The following ZNF570 variants were observed in gnomAD, a reference collection of about 807,000 sequenced individuals.
ZNF570 encodes the protein zinc finger protein 570.
In ZNF570, 8 loss-of-function variants were observed where a neutral mutation model predicts 14.2. The observed-to-expected ratio is 0.56, with a 90% CI of 0.33 to 1.02. The LOEUF (loss-of-function observed/expected upper bound fraction) is 1.02. Among genes scored for constraint, ZNF570 ranks in the 50% least tolerant of loss-of-function variants. ZNF570 has a pLI of 0.03. For synonymous variants in ZNF570, 202 were observed against 207.6 expected, an observed-to-expected ratio of 0.97 and a Z score of 0.23; for missense variants, 559 against 624.9, an observed-to-expected ratio of 0.89 and a Z score of 1.12.
Position 37,484,309 on chromosome 19 carries a change from G to C in ZNF570, c.687G>C (p.Gln229His). 3.1e-6 allele frequency: 5 copies of C among 1,613,774 alleles called. No individual in the cohort carries two copies. The highest frequency in any genetic ancestry group is 4.2e-6 in the Non-Finnish European group (5 of 1,179,962). Residue 229 changes from glutamine (Q) to histidine (H), a missense_variant, in exon 5 of 5, where the codon CAG becomes CAC. Transcript: ENST00000330173. ...KCNDCEKVFSQSSSLTLHQRI... is the reference protein window; with the variant it reads ...KCNDCEKVFSHSSSLTLHQRI... ...ATGACTGTGAAAAAGTCTTCAGCCA[G>C]AGTTCATCCCTTACTCTTCATCAAA...
At chr19:37,468,873 C>G (rs555213259), upstream of ZNF570, 174 of 195,152 alleles carry the variant, frequency 8.9e-4, 1 homozygote, top group African/African-American at 4.0e-3. Flanking sequence ...TGCATCCCCC[C>G]CACCCCGCTC....
At chr19:37,468,130 G>A (rs2041882686), upstream of ZNF570, 12 of 612,118 alleles carry the variant, frequency 2.0e-5, no homozygotes, top group Admixed American at 2.6e-4. Flanking sequence ...TGTTGCCCAG[G>A]CTGGAGAGTG....
At position 37,485,057 on chromosome 19, in the gene ZNF570, T is replaced by C. The variant is rs754654742; in HGVS notation, c.1435T>C (p.Phe479Leu). The C allele has an allele frequency of 1.9e-6, 3 of 1,614,000 alleles. No homozygotes were observed. Among genetic ancestry groups the C allele is most frequent in the Non-Finnish European group, 2.5e-6 (3 of 1,179,978 alleles). ...TGAATGTACTGTTTGTGGAAAGGCT[T>C]TTAGTTACTGTGGATCCCTTGCCCA... ...PYECTVCGKAFSYCGSLAQHQ... is the reference protein window; with the variant it reads ...PYECTVCGKALSYCGSLAQHQ... Residue 479 changes from phenylalanine to leucine, a missense_variant, in exon 5 of 5, where the codon TTT becomes CTT. Phe to Leu is a conservative substitution (Grantham distance 22). Coordinates refer to ENST00000330173, the MANE Select transcript of ZNF570 (RefSeq NM_144694.5).
Position 37,469,450 on chromosome 19 carries a change from A to G in ZNF570, c.-159A>G, listed in dbSNP as rs1404437276. 1.3e-6 allele frequency: 2 copies of G among 1,535,872 alleles called. No individual in the cohort carries two copies. Among genetic ancestry groups the G allele is most frequent in the African/African-American group, 2.7e-5 (2 of 73,168 alleles). ...TCCCCGAGCCTTCGGGGCAGGAAGG[A>G]GATCTTCCACCAGTTCTGTTCTGCA... On this transcript the variant is annotated 5_prime_UTR_variant, in exon 1 of 5. Transcript: ENST00000330173.
rs71177457 is a variant in ZNF570 at position 37,477,288 on chromosome 19, CGTGTGT to C, written c.256+893_256+898del. Among the ~76,000 whole-genome samples, 669 of 115,452 alleles carry C rather than the reference CGTGTGT, an allele frequency of 5.8e-3. 3 individuals carry two copies. The highest frequency in any genetic ancestry group is 0.036 in the Middle Eastern group (8 of 222). The allele number at this position is 115,452 out of a possible 152,430, so 75.7% of individuals were successfully genotyped here. A position where few individuals can be genotyped will look rare whatever the true frequency, so the allele number is the denominator to read the frequency against. On this transcript the variant is annotated intron_variant, in intron 4 of 4. Coordinates refer to ENST00000330173, the MANE Select transcript of ZNF570 (RefSeq NM_144694.5). ...AGGTGCTCATTGTGGGGGAGGTTGTCGTGTGTGTGTGTGTGTGTGTGTGTGTGTGTG... is the reference window on the plus strand; with the variant it reads ...AGGTGCTCATTGTGGGGGAGGTTGTCGTGTGTGTGTGTGTGTGTGTGTGTG...
chr19:37,481,766 T>G (rs1208680182), intron 4 of ZNF570, among the ~76,000 whole-genome samples: 2 of 152,224 alleles, frequency 1.3e-5, no homozygotes. Flanking sequence ...TCCAGTTACA[T>G]GTGCCTAAGA....
intron 1 of ZNF570, among the ~76,000 whole-genome samples, chr19:37,469,906 T>C (rs2146999105): frequency 6.6e-6 from 1 of 152,296 alleles, no homozygotes; most frequent in South Asian, 2.1e-4. Context: ...TGAGAGACTG[T>C]GTGCCACGGA....
Position 37,484,880 on chromosome 19 carries a change from A to T in ZNF570, c.1258A>T (p.Arg420Trp). Residue 420 changes from arginine to tryptophan, a missense_variant, in exon 5 of 5, where the codon AGG becomes TGG. By Grantham distance (101) the Arg-to-Trp change is moderately radical. Transcript: ENST00000330173. The part of the protein sequence containing the change: ...GEKPYKCQEC[R>W]KAFSQIAYLA... ...AAAACCTTATAAGTGTCAGGAATGT[A>T]GGAAAGCATTCAGCCAGATTGCCTA... is the stretch of plus-strand genomic sequence containing the variant. 1 of 1,613,724 alleles carries T rather than the reference A, an allele frequency of 6.2e-7. No homozygotes were observed. Among genetic ancestry groups the T allele is most frequent in the Non-Finnish European group, 8.5e-7 (1 of 1,179,914 alleles).
At chr19:37,482,647 T>C (rs1037851107) in intron 4 of ZNF570, among the ~76,000 whole-genome samples, 1 of 152,172 alleles carries the variant, frequency 6.6e-6, no homozygotes, top group African/African-American at 2.4e-5. Flanking sequence ...ACGGTTTGGC[T>C]CTGGATCCCC....
rs557376267 is a variant in ZNF570 at position 37,472,611 on chromosome 19, G to A, written c.33+2224G>A. Among the ~76,000 whole-genome samples, 8 of 152,002 alleles carry A rather than the reference G, an allele frequency of 5.3e-5. No homozygotes were observed. The East Asian group carries it at 1.6e-3, about 29-fold the overall frequency. On this transcript the variant is annotated intron_variant, in intron 2 of 4. Coordinates refer to ENST00000330173, the MANE Select transcript of ZNF570 (RefSeq NM_144694.5). ...CAAAAAATTAACCGGGCGTAGTTGC[G>A]CATGCCTGTAATCCCAGCTACTCAG...
chr19:37,481,298 G>T (rs1438496214), intron 4 of ZNF570, among the ~76,000 whole-genome samples: 2 of 151,678 alleles, frequency 1.3e-5, no homozygotes, highest in Admixed American at 1.3e-4. Flanking sequence ...GGATTACAGG[G>T]CGTGCCACCA....
chr19:37,477,255 T>C (rs2042036361), intron 4 of ZNF570, among the ~76,000 whole-genome samples: 1 of 151,596 alleles, frequency 6.6e-6, no homozygotes, highest in Non-Finnish European at 1.5e-5. Context: ...CATGTGTGAT[T>C]TTTCCTAAGG....
chr19:37,481,247 G>C (rs138937380), intron 4 of ZNF570, among the ~76,000 whole-genome samples: 1 of 151,266 alleles, frequency 6.6e-6, no homozygotes, highest in Non-Finnish European at 1.5e-5. Flanking sequence ...TCCCCAACCC[G>C]CGTTCAAGCA....
intron 2 of ZNF570, 73 bp from the exon 3 acceptor site, chr19:37,475,808 C>A: frequency 1.4e-6 from 2 of 1,432,534 alleles, no homozygotes; most frequent in Non-Finnish European, 1.9e-6. Context: ...CAGAGAGAGC[C>A]CAGTGTGCCT....
intron 4 of ZNF570, among the ~76,000 whole-genome samples, chr19:37,478,270 C>A (rs144420129): frequency 6.6e-6 from 1 of 151,980 alleles, no homozygotes; most frequent in African/African-American, 2.4e-5. Context: ...ATAATTTTCT[C>A]CAAAAAAGGC....
rs1405037586 is a variant in ZNF570 at position 37,485,163 on chromosome 19, C to T, written c.1541C>T (p.Ala514Val). The stretch of plus-strand genomic sequence containing the variant: ...ACCTTCAGGCAGCATGCACACCTTG[C>T]TCATCACCAGAGAATTCACATTGGG... ...KKTFRQHAHL[A>V]HHQRIHIGES... Residue 514 changes from alanine (A) to valine (V), a missense_variant, in exon 5 of 5, where the codon GCT becomes GTT. Physicochemically the swap from Ala to Val is moderately conservative, Grantham distance 64. Transcript: ENST00000330173. 5 of 1,600,676 alleles carry T rather than the reference C, an allele frequency of 3.1e-6. No homozygotes were observed. The highest frequency in any genetic ancestry group is 4.3e-6 in the Non-Finnish European group (5 of 1,173,220).
At chr19:37,470,469 G>T in intron 2 of ZNF570, 82 bp downstream of exon 2, 7 of 1,337,904 alleles carry the variant, frequency 5.2e-6, no homozygotes, top group Non-Finnish European at 7.5e-6. Flanking sequence ...CTGCTGAAAC[G>T]TTTCTGGGTA....
upstream of ZNF570, among the ~76,000 whole-genome samples, chr19:37,468,773 T>G (rs1176875932): frequency 2.0e-5 from 3 of 152,204 alleles, no homozygotes; most frequent in African/African-American, 7.2e-5. Context: ...TCCAAAGTGC[T>G]GGGATTACAG....
intron 1 of ZNF570, chr19:37,470,032 T>C (rs1344145729): frequency 5.7e-6 from 2 of 349,324 alleles, no homozygotes; most frequent in African/African-American, 4.1e-5. Flanking sequence ...CTTGGTGCTC[T>C]TATTTGTTAG....
Sources: gnomAD v4.1 joint callset for allele counts (sites outside exome capture counted in the v4.1 genomes callset) on GRCh38, gnomAD v4.1.1 for gene constraint, MANE v1.5 for transcripts, NCBI Gene and HGNC (gene_info 2026-07-23, HGNC 2026-07-21) for gene names.